The following VIT variants were observed in gnomAD, a reference collection of about 807,000 sequenced individuals.
The protein encoded by VIT is vitrin.
In VIT, 99 loss-of-function variants were observed where a neutral mutation model predicts 78.0. The observed-to-expected ratio is 1.27, with a 90% confidence interval of 1.08 to 1.50. The LOEUF (loss-of-function observed/expected upper bound fraction) is 1.50. Among genes scored for constraint, VIT ranks in the 40% most tolerant of loss-of-function variants. The probability of loss-of-function intolerance (pLI) is 0.00; values close to 1 mark genes in which losing one functional copy is unlikely to be tolerated. For missense variants in VIT, 1,126 were observed against 875.3 expected, an observed-to-expected ratio of 1.29 and a Z score of -3.61; for synonymous variants, 374 against 334.3, an observed-to-expected ratio of 1.12 and a Z score of -1.29.
At chr2:36,807,877 T>G (rs958088238) in intron 14 of VIT, among the ~76,000 whole-genome samples, 1 of 152,200 alleles carries the variant, frequency 6.6e-6, no homozygotes, top group East Asian at 1.9e-4. Context: ...CTTAGTTTGT[T>G]CCTTTGTGGC....
At chr2:36,716,758 T>C (rs1201233682) in intron 2 of VIT, among the ~76,000 whole-genome samples, 1 of 152,130 alleles carries the variant, frequency 6.6e-6, no homozygotes, top group Admixed American at 6.5e-5. Flanking sequence ...TTGCAGATTG[T>C]AAATTTAAGG....
chr2:36,776,933 C>CA (rs1245300983), intron 9 of VIT, among the ~76,000 whole-genome samples: 1 of 147,690 alleles, frequency 6.8e-6, no homozygotes, highest in South Asian at 2.2e-4. Context: ...ACTAAAAACA[C>CA]AAAAAATTAG....
chr2:36,774,219 T>C (rs183172413), intron 8 of VIT, among the ~76,000 whole-genome samples: 59 of 152,142 alleles, frequency 3.9e-4, no homozygotes, highest in African/African-American at 1.4e-3. Context: ...GGATTTTTTT[T>C]CTCTCTTTTT....
chr2:36,743,323 A>T (rs780788602), intron 4 of VIT, 67 bp downstream of exon 4: 2 of 1,434,932 alleles, frequency 1.4e-6, no homozygotes, highest in Non-Finnish European at 1.9e-6. Flanking sequence ...CCCCCATGCA[A>T]GGTTGCCATA....
intron 12 of VIT, among the ~76,000 whole-genome samples, chr2:36,789,675 G>A (rs1321952404): frequency 6.6e-6 from 1 of 152,112 alleles, no homozygotes; most frequent in Non-Finnish European, 1.5e-5. Context: ...GGAAGGAAGT[G>A]GGGCATCCTG....
intron 4 of VIT, among the ~76,000 whole-genome samples, chr2:36,752,764 G>A (rs1668540177): frequency 1.3e-5 from 2 of 152,230 alleles, no homozygotes; most frequent in South Asian, 4.1e-4. Context: ...CTCACAGAGT[G>A]TGAATTAGTT....
intron 2 of VIT, among the ~76,000 whole-genome samples, chr2:36,725,459 T>A (rs1666773052): frequency 6.6e-6 from 1 of 152,064 alleles, no homozygotes; most frequent in Admixed American, 6.5e-5. Flanking sequence ...AGAGGCAAAC[T>A]AGCTCTCTGG....
At chr2:36,813,480 T>G (rs1667339215) in intron 15 of VIT, among the ~76,000 whole-genome samples, 2 of 152,062 alleles carry the variant, frequency 1.3e-5, no homozygotes, top group Admixed American at 1.3e-4. Context: ...TTGAGCACTT[T>G]TTCATGTTCA....
intron 5 of VIT, among the ~76,000 whole-genome samples, chr2:36,756,035 G>A (rs558726680): frequency 1.4e-5 from 2 of 143,604 alleles, no homozygotes; most frequent in East Asian, 2.1e-4. Context: ...TCGGCTCACC[G>A]CAACCTCTGC....
At chr2:36,775,091 C>T (rs760761821) in intron 9 of VIT, 24 bp downstream of exon 9, 1 of 1,612,622 alleles carries the variant, frequency 6.2e-7, no homozygotes, top group Non-Finnish European at 8.5e-7. Flanking sequence ...TGCTTACCAT[C>T]TCTGCTCCCT....
chr2:36,711,152 G>T (rs1257217807), intron 1 of VIT, among the ~76,000 whole-genome samples: 1 of 152,118 alleles, frequency 6.6e-6, no homozygotes, highest in African/African-American at 2.4e-5. Flanking sequence ...CAATGGACTT[G>T]CTCTAATTTT....
intron 12 of VIT, among the ~76,000 whole-genome samples, chr2:36,797,821 G>C (rs1666017422): frequency 6.6e-6 from 1 of 152,136 alleles, no homozygotes; most frequent in South Asian, 2.1e-4. Flanking sequence ...CACAGAAATA[G>C]AACAAAGAAA....
chr2:36,802,433 G>C (rs1287192911), intron 13 of VIT, among the ~76,000 whole-genome samples: 4 of 152,202 alleles, frequency 2.6e-5, no homozygotes, highest in African/African-American at 9.7e-5. Flanking sequence ...CTTTGAGGGA[G>C]CATCCTCAGA....
chr2:36,763,877 T>C (rs1669268238), intron 6 of VIT, among the ~76,000 whole-genome samples: 1 of 152,072 alleles, frequency 6.6e-6, no homozygotes, highest in East Asian at 1.9e-4. Context: ...GCGTCTATCT[T>C]CCCTCTTAAA....
At chr2:36,711,777 T>G (rs1665815069) in intron 1 of VIT, among the ~76,000 whole-genome samples, 1 of 152,240 alleles carries the variant, frequency 6.6e-6, no homozygotes, top group African/African-American at 2.4e-5. Flanking sequence ...TATTATTTAT[T>G]ACCAACTTGC....
intron 12 of VIT, among the ~76,000 whole-genome samples, chr2:36,794,285 A>T (rs1338924644): frequency 6.6e-6 from 1 of 152,120 alleles, no homozygotes; most frequent in African/African-American, 2.4e-5. Flanking sequence ...AACAACCTCT[A>T]TGTTTTCTTC....
chr2:36,724,879 A>G (rs1469023764), intron 2 of VIT, among the ~76,000 whole-genome samples: 3 of 152,242 alleles, frequency 2.0e-5, no homozygotes, highest in Non-Finnish European at 4.4e-5. Flanking sequence ...ACCCAAATTT[A>G]TTATTTCACT....
intron 3 of VIT, among the ~76,000 whole-genome samples, chr2:36,729,976 G>A (rs1164392925): frequency 6.6e-6 from 1 of 152,202 alleles, no homozygotes; most frequent in Non-Finnish European, 1.5e-5. Context: ...TTTGAGTGGT[G>A]TATCAGTTAA....
rs866144625 is a variant in VIT at position 36,782,955 on chromosome 2, T to C, written c.848-385T>C. Among the ~76,000 whole-genome samples the C allele has an allele frequency of 1.2e-4, 19 of 152,352 alleles. 1 individual carries two copies. Among genetic ancestry groups the C allele is most frequent in the Admixed American group, 5.9e-4 (9 of 15,302 alleles). On this transcript the variant is annotated intron_variant, in intron 10 of 15. Transcript: ENST00000379242. ...ATGTTGACTGAGGACCTACATGATC[T>C]TGGCACGGTGGAGGTTTATTCGAGC...
Sources: allele counts gnomAD v4.1 joint callset (sites outside exome capture counted in the v4.1 genomes callset), GRCh38; gene constraint gnomAD v4.1.1; transcripts MANE v1.5; gene names NCBI Gene and HGNC (gene_info 2026-07-23, HGNC 2026-07-21).